The following CYBRD1 variants were observed in gnomAD, a reference collection of about 807,000 sequenced individuals.
CYBRD1 encodes plasma membrane ascorbate-dependent reductase CYBRD1.
In CYBRD1, 14 loss-of-function variants were observed where a neutral mutation model predicts 21.9. The ratio of observed to expected loss-of-function variants is 0.64; its 90% CI spans 0.42 to 1.00. The LOEUF is 1.00. Ranked by LOEUF, CYBRD1 falls within the 50% of genes least tolerant of loss-of-function variation. The pLI, the probability that CYBRD1 is intolerant of heterozygous loss-of-function variation, is 0.00. For synonymous variants in CYBRD1, 146 were observed against 136.5 expected (o/e 1.07, Z -0.48); for missense variants, 328 against 352.5 (o/e 0.93, Z 0.56).
chr2:171,546,469 T>A (rs189603830), intron 2 of CYBRD1, among the ~76,000 whole-genome samples: 2 of 152,310 alleles, frequency 1.3e-5, no homozygotes, highest in East Asian at 3.9e-4. Context: ...TGATCATAGG[T>A]ACCTTCATGG....
chr2:171,551,872 TAATC>T (rs1683381973), intron 2 of CYBRD1, among the ~76,000 whole-genome samples: 1 of 152,234 alleles, frequency 6.6e-6, no homozygotes, highest in South Asian at 2.1e-4. Context: ...TGTTAGTAAT[TAATC>T]TCAAGATTCT....
intron 2 of CYBRD1, among the ~76,000 whole-genome samples, chr2:171,542,416 G>A (rs1225082909): frequency 2.0e-5 from 3 of 152,036 alleles, no homozygotes; most frequent in East Asian, 1.9e-4. Flanking sequence ...TTCGAAGGCC[G>A]AGGTGGGAGG....
In CYBRD1 at chr2:171,554,571, A is replaced by G; in HGVS notation, c.605A>G (p.Asn202Ser). The change falls in exon 4 of 4, where the codon AAT becomes AGT. Residue 202 changes from asparagine to serine, a missense_variant. Asn to Ser is a conservative substitution (Grantham distance 46). Coordinates refer to ENST00000321348, the MANE Select transcript of CYBRD1 (RefSeq NM_024843.4). Reference sequence around the variant, plus strand: ...TTCCCGCCAGAAGGTGTTTTCGTAAATACGCTTGGCCTTCTGATCCTGGTG... The same window carrying G: ...TTCCCGCCAGAAGGTGTTTTCGTAAGTACGCTTGGCCTTCTGATCCTGGTG... Reference protein sequence around the residue: ...STFPPEGVFVNTLGLLILVFG... With the variant: ...STFPPEGVFVSTLGLLILVFG... The G allele has an allele frequency of 6.2e-7, 1 of 1,613,918 alleles. No individual in the cohort carries two copies. The highest frequency in any genetic ancestry group is 8.5e-7 in the Non-Finnish European group (1 of 1,179,914).
At chr2:171,549,402 G>A (rs1697767334) in intron 2 of CYBRD1, among the ~76,000 whole-genome samples, 1 of 152,064 alleles carries the variant, frequency 6.6e-6, no homozygotes, top group Admixed American at 6.6e-5. Context: ...AACTTTAAAA[G>A]TAAACTTTTA....
chr2:171,525,508 T>G (rs1280887428), intron 1 of CYBRD1, among the ~76,000 whole-genome samples: 1 of 152,150 alleles, frequency 6.6e-6, no homozygotes, highest in African/African-American at 2.4e-5. Flanking sequence ...ATAAATAAAC[T>G]TTATAGGCTG....
At chr2:171,529,959 A>G (rs1697439935) in intron 1 of CYBRD1, among the ~76,000 whole-genome samples, 2 of 152,176 alleles carry the variant, frequency 1.3e-5, no homozygotes, top group Non-Finnish European at 1.5e-5. Flanking sequence ...TATGGATCTC[A>G]AGATGAGGTC....
At chr2:171,532,151 AAACTT>A (rs1697476359) in intron 1 of CYBRD1, among the ~76,000 whole-genome samples, 1 of 152,206 alleles carries the variant, frequency 6.6e-6, no homozygotes, top group Non-Finnish European at 1.5e-5. Context: ...TTTTTCATTT[AAACTT>A]AAGGTCCTTT....
At chr2:171,525,503 T>G (rs1345368169) in intron 1 of CYBRD1, among the ~76,000 whole-genome samples, 1 of 152,104 alleles carries the variant, frequency 6.6e-6, no homozygotes, top group Non-Finnish European at 1.5e-5. Context: ...GAGTAATAAA[T>G]AAACTTTATA....
intron 1 of CYBRD1, among the ~76,000 whole-genome samples, chr2:171,525,872 G>A (rs1420025206): frequency 3.3e-5 from 5 of 150,454 alleles, no homozygotes; most frequent in Admixed American, 6.7e-5. Flanking sequence ...GCTTGAACTC[G>A]GGAAACGGAG....
intron 2 of CYBRD1, among the ~76,000 whole-genome samples, chr2:171,549,408 T>G (rs1697767412): frequency 1.3e-5 from 2 of 152,154 alleles, no homozygotes; most frequent in East Asian, 3.8e-4. Context: ...AAAAGTAAAC[T>G]TTTATTGTCT....
intron 1 of CYBRD1, among the ~76,000 whole-genome samples, chr2:171,535,318 T>G (rs777269831): frequency 6.6e-6 from 1 of 152,214 alleles, no homozygotes; most frequent in Non-Finnish European, 1.5e-5. Flanking sequence ...AATTGGTGTT[T>G]GATTGATGAC....
chr2:171,553,593 T>G (rs1683425881), intron 3 of CYBRD1, 93 bp downstream of exon 3: 1 of 1,114,930 alleles, frequency 9.0e-7, no homozygotes, highest in Non-Finnish European at 1.2e-6. Context: ...ATAACAAAAT[T>G]TTTTAGATAT....
chr2:171,540,143 A>G lies in CYBRD1; in HGVS notation c.194-1442A>G, dbSNP rs78738826. Among the ~76,000 whole-genome samples the G allele has an allele frequency of 8.9e-3, 1,362 of 152,358 alleles. 20 individuals are homozygous for G. Among genetic ancestry groups the G allele is most frequent in the African/African-American group, 0.027 (1,142 of 41,592 alleles). The stretch of plus-strand genomic sequence containing the variant: ...AACAGAATGTTAGTAGGAGTCTTCA[A>G]AATCCCTTGTGTGTTCCATTGTAAT... On this transcript the variant is annotated intron_variant, in intron 1 of 3. Transcript: ENST00000321348.
At chr2:171,522,264 C>A (rs1431371595), upstream of CYBRD1, 3 of 1,549,528 alleles carry the variant, frequency 1.9e-6, no homozygotes, top group Non-Finnish European at 2.6e-6. The surrounding 1 kb of genome is among the most constrained non-coding windows in gnomAD (Gnocchi z 4.3). Context: ...AAGCCCTCTG[C>A]GAGCTTGGAT....
rs115382022 is a variant in CYBRD1, at chr2:171,539,365, C to T, written c.194-2220C>T. On this transcript the variant is annotated intron_variant, in intron 1 of 3. Coordinates refer to ENST00000321348, the MANE Select transcript of CYBRD1 (RefSeq NM_024843.4). ...AGCGTGTGGTGGTGCATGCCTGCAG[C>T]CCCAGCTACTCAGGAGACTGAGGTG... is the stretch of plus-strand genomic sequence containing the variant. Among the ~76,000 whole-genome samples the T allele has an allele frequency of 8.9e-3, 1,360 of 152,054 alleles. 20 individuals carry two copies. Among genetic ancestry groups the T allele is most frequent in the African/African-American group, 0.028 (1,140 of 41,448 alleles).
intron 1 of CYBRD1, among the ~76,000 whole-genome samples, chr2:171,535,781 G>T (rs1205744387): frequency 6.6e-6 from 1 of 151,884 alleles, no homozygotes; most frequent in African/African-American, 2.4e-5. Flanking sequence ...TGGGACTATA[G>T]GCACACACTG....
chr2:171,548,795 GAA>G (rs1423085382), intron 2 of CYBRD1, among the ~76,000 whole-genome samples: 2 of 144,934 alleles, frequency 1.4e-5, no homozygotes, highest in Admixed American at 6.8e-5. Flanking sequence ...GAAAACAAAA[GAA>G]AAGAAAAAAA....
rs187046636 is a variant in CYBRD1, at chr2:171,555,481, T to C, written c.*654T>C. On this transcript the variant is annotated 3_prime_UTR_variant, in exon 4 of 4. Coordinates refer to ENST00000321348, the MANE Select transcript of CYBRD1 (RefSeq NM_024843.4). ...TGAAGAGATCTTCTCTGGTCAGACT[T>C]GGAAGAATTTCCAAAACTGAAGTTA... is the stretch of plus-strand genomic sequence containing the variant. The C allele has an allele frequency of 6.6e-6, 1 of 152,620 alleles. No individual in the cohort carries two copies. The highest frequency in any genetic ancestry group is 1.5e-5 in the Non-Finnish European group (1 of 68,308). The allele number at this position is 152,620 out of a possible 1,614,324, so 9.5% of individuals were successfully genotyped here. A position where few individuals can be genotyped will look rare whatever the true frequency, so the allele number is the denominator to read the frequency against.
At chr2:171,538,858 T>C (rs1443407732) in intron 1 of CYBRD1, among the ~76,000 whole-genome samples, 1 of 152,072 alleles carries the variant, frequency 6.6e-6, no homozygotes, top group Admixed American at 6.5e-5. Flanking sequence ...AGTGCAATGG[T>C]GCGGTCTTGG....
Sources: gnomAD v4.1 joint callset for allele counts (sites outside exome capture counted in the v4.1 genomes callset) on GRCh38, gnomAD v4.1.1 for gene constraint, Gnocchi (gnomAD v3.1) non-coding constraint, MANE v1.5 for transcripts, NCBI Gene and HGNC (gene_info 2026-07-23, HGNC 2026-07-21) for gene names.